FRMD5: variants seen among roughly 807,000 people sequenced by gnomAD.
The protein encoded by FRMD5 is FERM domain containing 5, also known as FERM domain-containing protein 5.
Under a neutral mutation model 69.0 loss-of-function variants are expected in FRMD5, and 20 were observed. The ratio of observed to expected loss-of-function variants is 0.29; its 90% confidence interval spans 0.20 to 0.42. The LOEUF (loss-of-function observed/expected upper bound fraction) is 0.42. Among genes scored for constraint, FRMD5 ranks in the 10% least tolerant of loss-of-function variants. The pLI is 1.00. For synonymous variants in FRMD5, 271 were observed against 260.1 expected (o/e 1.04, Z -0.40); for missense variants, 595 against 708.6 (o/e 0.84, Z 1.82).
At chr15:43,951,217 G>A (rs1486276468) in intron 1 of FRMD5, among the ~76,000 whole-genome samples, 1 of 151,982 alleles carries the variant, frequency 6.6e-6, no homozygotes, top group Non-Finnish European at 1.5e-5. Flanking sequence ...TCAGGAGATC[G>A]AGACCATCCT....
At chr15:44,171,226 C>G (rs2733214) in intron 1 of FRMD5, among the ~76,000 whole-genome samples, 93,644 of 152,140 alleles carry the variant, frequency 0.62, 34,242 homozygotes, top group Non-Finnish European at 0.79. Flanking sequence ...AGAATAGTGA[C>G]AATTTTAGAA....
At chr15:43,901,556 G>A (rs943243190) in intron 7 of FRMD5, among the ~76,000 whole-genome samples, 1 of 152,214 alleles carries the variant, frequency 6.6e-6, no homozygotes, top group East Asian at 1.9e-4. Context: ...AGGAGGTAAC[G>A]TGAAGGGCCA....
intron 1 of FRMD5, among the ~76,000 whole-genome samples, chr15:44,104,342 CTTAAT>C (rs2076682459): frequency 6.6e-6 from 1 of 152,068 alleles, no homozygotes; most frequent in Non-Finnish European, 1.5e-5. Context: ...GTAAGCTGAG[CTTAAT>C]TTGTTATTGA....
chr15:44,059,107 C>G (rs1017616260), intron 1 of FRMD5, among the ~76,000 whole-genome samples: 1 of 152,154 alleles, frequency 6.6e-6, no homozygotes, highest in Non-Finnish European at 1.5e-5. Context: ...GTGAAGAACC[C>G]TCAACTAGCA....
chr15:44,194,695 A>C, intron 1 of FRMD5: 1 of 515,840 alleles, frequency 1.9e-6, no homozygotes, highest in Non-Finnish European at 3.5e-6. Flanking sequence ...GCCCTCACCC[A>C]GGGAGAGCAG....
chr15:44,158,481 C>T (rs1595535496), intron 1 of FRMD5, among the ~76,000 whole-genome samples: 2 of 152,252 alleles, frequency 1.3e-5, no homozygotes, highest in African/African-American at 4.8e-5. Flanking sequence ...GGAAACTGTT[C>T]TGGATATTTA....
At chr15:44,146,432 T>C (rs1356023807) in intron 1 of FRMD5, among the ~76,000 whole-genome samples, 1 of 152,218 alleles carries the variant, frequency 6.6e-6, no homozygotes, top group Non-Finnish European at 1.5e-5. Context: ...GTCTTCGCTA[T>C]TGTGACTAGT....
intron 1 of FRMD5, among the ~76,000 whole-genome samples, chr15:44,147,170 G>C (rs976483355): frequency 6.6e-6 from 1 of 152,108 alleles, no homozygotes; most frequent in African/African-American, 2.4e-5. Context: ...TTTGTATAAG[G>C]TGTAAGGTCA....
At chr15:43,971,606 C>T (rs2090379318) in intron 1 of FRMD5, among the ~76,000 whole-genome samples, 1 of 147,294 alleles carries the variant, frequency 6.8e-6, no homozygotes, top group African/African-American at 2.5e-5. Flanking sequence ...ATCACTTGAA[C>T]CCAGGAGGTG....
intron 1 of FRMD5, among the ~76,000 whole-genome samples, chr15:44,016,075 C>G (rs1890943957): frequency 1.3e-5 from 2 of 152,188 alleles, no homozygotes; most frequent in Non-Finnish European, 2.9e-5. Context: ...GAAGCATTAT[C>G]TCTTGCTTCA....
In FRMD5 at chr15:43,898,761, G is replaced by A. The variant is rs142344219; in HGVS notation, c.639+3414C>T. ...CCAGCAGCTGTAGGCTTGGGCTGCT[G>A]GGGCTCCCGCCAGGAGTTGAGGGCT... is the stretch of plus-strand genomic sequence containing the variant. On this transcript the variant is annotated intron_variant, in intron 7 of 13. Transcript: ENST00000417257. 5.1e-3 allele frequency among the ~76,000 whole-genome samples: 771 copies of A among 152,322 alleles called. 2 individuals carry two copies. Among genetic ancestry groups the A allele is most frequent in the African/African-American group, 0.018 (744 of 41,574 alleles).
intron 1 of FRMD5, among the ~76,000 whole-genome samples, chr15:43,981,559 G>T (rs910328591): frequency 2.6e-4 from 40 of 152,012 alleles, no homozygotes; most frequent in African/African-American, 9.4e-4. Flanking sequence ...TGTAATTTTT[G>T]ATTTTTTTGC....
chr15:44,190,300 G>A (rs2078172474), intron 1 of FRMD5, among the ~76,000 whole-genome samples: 1 of 152,182 alleles, frequency 6.6e-6, no homozygotes, highest in South Asian at 2.1e-4. Flanking sequence ...AGCAAGAGGT[G>A]AGAAAATGAG....
intron 2 of FRMD5, among the ~76,000 whole-genome samples, chr15:43,920,854 C>A (rs1005474033): frequency 1.3e-5 from 2 of 152,186 alleles, no homozygotes; most frequent in African/African-American, 4.8e-5. Context: ...TTGGCAGAGT[C>A]CTCCCTCTGG....
At chr15:44,017,067 G>A (rs993566667) in intron 1 of FRMD5, among the ~76,000 whole-genome samples, 2 of 151,880 alleles carry the variant, frequency 1.3e-5, no homozygotes, top group Non-Finnish European at 2.9e-5. Flanking sequence ...GGCCGGGTGC[G>A]GTGGCTCACA....
intron 1 of FRMD5, among the ~76,000 whole-genome samples, chr15:43,973,758 A>T (rs543698779): frequency 6.6e-6 from 1 of 151,984 alleles, no homozygotes; most frequent in Admixed American, 6.6e-5. Context: ...CTTAATCTAA[A>T]TGCTATATTT....
At chr15:44,177,935 T>C (rs2077928089) in intron 1 of FRMD5, among the ~76,000 whole-genome samples, 1 of 152,194 alleles carries the variant, frequency 6.6e-6, no homozygotes, top group Non-Finnish European at 1.5e-5. Context: ...ACAAGGTAGT[T>C]ACACAACTTG....
chr15:44,177,684 G>A (rs1388908007), intron 1 of FRMD5, among the ~76,000 whole-genome samples: 3 of 152,136 alleles, frequency 2.0e-5, no homozygotes, highest in Admixed American at 1.3e-4. Flanking sequence ...CTGTTGAAAT[G>A]TACACCTTAA....
In FRMD5 at chr15:44,195,199, T is replaced by G; in HGVS notation, c.-145A>C. ...CTGCCGTTGCCTCCTGCTGGCCTCG[T>G]TCCTCCTCCTTATCCTCCTCCTTCC... On this transcript the variant is annotated 5_prime_UTR_variant, in exon 1 of 14. Coordinates refer to ENST00000417257, the MANE Select transcript of FRMD5 (RefSeq NM_032892.5). 2 of 577,614 alleles carry G rather than the reference T, an allele frequency of 3.5e-6. No individual in the cohort carries two copies. Among genetic ancestry groups the G allele is most frequent in the Non-Finnish European group, 5.9e-6 (2 of 337,284 alleles). 35.8% of individuals were successfully genotyped at this position (577,614 alleles called of 1,614,324 possible). A position where few individuals can be genotyped will look rare whatever the true frequency, so the allele number is the denominator to read the frequency against.
Sources: allele counts gnomAD v4.1 joint callset (sites outside exome capture counted in the v4.1 genomes callset), GRCh38; gene constraint gnomAD v4.1.1; transcripts MANE v1.5; gene names NCBI Gene and HGNC (gene_info 2026-07-23, HGNC 2026-07-21).